ADAM12: variants seen among roughly 807,000 people sequenced by gnomAD.
ADAM12 encodes disintegrin and metalloproteinase domain-containing protein 12.
Under a neutral mutation model 106.4 loss-of-function variants are expected in ADAM12, and 70 were observed. The observed-to-expected ratio is 0.66, with a 90% confidence interval of 0.54 to 0.80. The LOEUF (loss-of-function observed/expected upper bound fraction) is 0.80, where lower values mean the gene tolerates loss of function less well. Among genes scored for constraint, ADAM12 ranks in the 30% least tolerant of loss-of-function variants. The pLI is 0.00. For synonymous variants in ADAM12, 420 were observed against 433.5 expected (o/e 0.97, Z 0.39); for missense variants, 1,010 against 1,171.9 (o/e 0.86, Z 2.02).
intron 2 of ADAM12, among the ~76,000 whole-genome samples, chr10:126,321,893 C>T (rs1386177365): frequency 1.7e-5 from 2 of 118,744 alleles, no homozygotes; most frequent in Admixed American, 9.8e-5. Context: ...GCTTAACTTT[C>T]TACCTGGGGG....
intron 3 of ADAM12, among the ~76,000 whole-genome samples, chr10:126,202,469 G>C (rs1957720370): frequency 6.6e-6 from 1 of 151,550 alleles, no homozygotes; most frequent in African/African-American, 2.4e-5. Flanking sequence ...GTAATCCGAG[G>C]GTTTGAAAAA....
Position 126,013,335 on chromosome 10 carries a change from A to G in ADAM12, c.*3944T>C, listed in dbSNP as rs1361720988. 1.3e-5 allele frequency: 2 copies of G among 152,254 alleles called. No individual in the cohort carries two copies. Among genetic ancestry groups the G allele is most frequent in the East Asian group, 1.9e-4 (1 of 5,206 alleles). The allele number at this position is 152,254 out of a possible 1,614,324, so 9.4% of individuals were successfully genotyped here. On this transcript the variant is annotated 3_prime_UTR_variant, in exon 23 of 23. Coordinates refer to ENST00000448723, the MANE Select transcript of ADAM12 (RefSeq NM_001288973.2). This position sits in a 1 kb window ranked among gnomAD's most constrained non-coding sequence, Gnocchi z 4.3. The stretch of plus-strand genomic sequence containing the variant: ...TTCTTAGAGTGTCATTTGTTTTAGT[A>G]TCAGAGTTTTCAAATAGGTTTAAAA...
chr10:126,356,259 C>T (rs189545018), intron 1 of ADAM12, among the ~76,000 whole-genome samples: 7 of 152,214 alleles, frequency 4.6e-5, no homozygotes, highest in Non-Finnish European at 8.8e-5. Flanking sequence ...AAGGAATACA[C>T]CCTGTAGCCC....
intron 1 of ADAM12, among the ~76,000 whole-genome samples, chr10:126,331,251 C>T (rs936744691): frequency 1.3e-5 from 2 of 152,146 alleles, no homozygotes; most frequent in African/African-American, 4.8e-5. Context: ...TCTGGACTTG[C>T]TCTCCTATGA....
At chr10:126,181,465 T>G (rs1005690635) in intron 3 of ADAM12, among the ~76,000 whole-genome samples, 10 of 152,226 alleles carry the variant, frequency 6.6e-5, no homozygotes, top group African/African-American at 4.8e-5. Context: ...ATATATTACA[T>G]GATACCATGT....
At chr10:126,245,436 G>A (rs1410491065) in intron 3 of ADAM12, among the ~76,000 whole-genome samples, 1 of 152,216 alleles carries the variant, frequency 6.6e-6, no homozygotes. Flanking sequence ...TGGAGGCATG[G>A]GGGACACCAG....
intron 3 of ADAM12, among the ~76,000 whole-genome samples, chr10:126,248,696 T>C (rs1222103719): frequency 2.8e-5 from 1 of 35,280 alleles, no homozygotes; most frequent in African/African-American, 1.3e-4. Flanking sequence ...TATTTATTTA[T>C]TTATTTATTT....
At chr10:126,352,883 C>T (rs906118694) in intron 1 of ADAM12, among the ~76,000 whole-genome samples, 15 of 152,208 alleles carry the variant, frequency 9.9e-5, no homozygotes, top group African/African-American at 3.6e-4. Context: ...AAAACAAGCT[C>T]CCAGGGAATG....
intron 11 of ADAM12, among the ~76,000 whole-genome samples, chr10:126,082,940 C>A (rs1211029300): frequency 6.6e-6 from 1 of 152,184 alleles, no homozygotes; most frequent in Non-Finnish European, 1.5e-5. Flanking sequence ...GGTCTTTCCC[C>A]AGTTATGCCC....
intron 1 of ADAM12, among the ~76,000 whole-genome samples, chr10:126,358,710 TTTG>T (rs1475784074): frequency 3.9e-5 from 6 of 152,212 alleles, no homozygotes; most frequent in African/African-American, 1.2e-4. Flanking sequence ...ATTGTTGCTG[TTTG>T]TTGATGACGT....
chr10:126,265,104 G>A (rs1350313399), intron 3 of ADAM12, among the ~76,000 whole-genome samples: 5 of 152,276 alleles, frequency 3.3e-5, no homozygotes, highest in East Asian at 1.9e-4. Flanking sequence ...GGTGCACCTC[G>A]TTATCCCCAC....
chr10:126,143,028 G>C (rs1956544540), intron 4 of ADAM12, among the ~76,000 whole-genome samples: 2 of 137,234 alleles, frequency 1.5e-5, no homozygotes, highest in Admixed American at 7.6e-5. Context: ...ATATGCATTT[G>C]TATATATATG....
intron 3 of ADAM12, among the ~76,000 whole-genome samples, chr10:126,268,741 G>C (rs1642278066): frequency 6.6e-6 from 1 of 152,192 alleles, no homozygotes; most frequent in Admixed American, 6.5e-5. Context: ...CGAGTTTGAA[G>C]TAAACACTTC....
intron 1 of ADAM12, among the ~76,000 whole-genome samples, chr10:126,343,390 G>A (rs1226604176): frequency 6.6e-6 from 1 of 152,084 alleles, no homozygotes; most frequent in African/African-American, 2.4e-5. Flanking sequence ...AGTATTCCAT[G>A]GTGTATATGT....
intron 3 of ADAM12, among the ~76,000 whole-genome samples, chr10:126,203,973 A>G (rs1957750713): frequency 6.6e-6 from 1 of 152,110 alleles, no homozygotes; most frequent in Non-Finnish European, 1.5e-5. Context: ...AACCAAACTA[A>G]GTCATCTTTT....
intron 21 of ADAM12, among the ~76,000 whole-genome samples, chr10:126,021,733 C>T (rs1057051181): frequency 6.6e-6 from 1 of 152,226 alleles, no homozygotes; most frequent in African/African-American, 2.4e-5. Context: ...TAGTCCCTTC[C>T]TCCCGGGTGG....
intron 1 of ADAM12, among the ~76,000 whole-genome samples, chr10:126,344,263 A>G (rs989317028): frequency 9.2e-5 from 14 of 152,156 alleles, no homozygotes; most frequent in Admixed American, 6.5e-5. Flanking sequence ...TCCCAGCACC[A>G]TTTATTAAAT....
At chr10:126,296,849 C>T (rs969026985) in intron 2 of ADAM12, among the ~76,000 whole-genome samples, 1 of 152,320 alleles carries the variant, frequency 6.6e-6, no homozygotes, top group Admixed American at 6.5e-5. Flanking sequence ...GTTTGAACTG[C>T]AGGCCTTTTC....
At chr10:126,285,439 G>A (rs930374124) in intron 2 of ADAM12, among the ~76,000 whole-genome samples, 3 of 152,216 alleles carry the variant, frequency 2.0e-5, no homozygotes, top group African/African-American at 7.2e-5. Context: ...ATGCAGGCAT[G>A]TGCATGAACA....
Sources: allele counts gnomAD v4.1 joint callset (sites outside exome capture counted in the v4.1 genomes callset), GRCh38; gene constraint gnomAD v4.1.1; non-coding constraint Gnocchi (gnomAD v3.1); transcripts MANE v1.5; gene names NCBI Gene and HGNC (gene_info 2026-07-23, HGNC 2026-07-21).